The following SLC39A11 variants were observed in gnomAD, a reference collection of about 807,000 sequenced individuals.
SLC39A11 encodes the protein solute carrier family 39 member 11.
Under a neutral mutation model 36.1 loss-of-function variants are expected in SLC39A11, and 33 were observed. The ratio of observed to expected loss-of-function variants is 0.91; its 90% CI spans 0.69 to 1.22. The LOEUF (loss-of-function observed/expected upper bound fraction) is 1.22, where lower values mean the gene tolerates loss of function less well. SLC39A11 is among the 50% of genes most tolerant of loss of function. The pLI, the probability that SLC39A11 is intolerant of heterozygous loss-of-function variation, is 0.00. For synonymous variants in SLC39A11, 166 were observed against 170.3 expected, an observed-to-expected ratio of 0.97 and a Z score of 0.20; for missense variants, 432 against 430.3, an observed-to-expected ratio of 1.00 and a Z score of -0.03.
chr17:72,677,518 G>A (rs1348626451), intron 7 of SLC39A11, among the ~76,000 whole-genome samples: 3 of 152,200 alleles, frequency 2.0e-5, no homozygotes, highest in Non-Finnish European at 4.4e-5. Context: ...CCTGAACTGA[G>A]CAAATTTAAA....
intron 4 of SLC39A11, among the ~76,000 whole-genome samples, chr17:73,027,779 A>G (rs945717738): frequency 7.2e-5 from 11 of 152,192 alleles, no homozygotes; most frequent in Non-Finnish European, 1.5e-5. Context: ...GCTCCCAGGC[A>G]TTGGGGCCTG....
intron 5 of SLC39A11, among the ~76,000 whole-genome samples, chr17:72,913,540 G>C (rs1301843643): frequency 6.6e-6 from 1 of 152,172 alleles, no homozygotes; most frequent in Non-Finnish European, 1.5e-5. Flanking sequence ...TGTTGAGAAG[G>C]AAAGGCCTAA....
At chr17:73,015,146 C>T (rs935292440) in intron 4 of SLC39A11, among the ~76,000 whole-genome samples, 18 of 152,160 alleles carry the variant, frequency 1.2e-4, no homozygotes, top group Admixed American at 1.1e-3. Context: ...TCTGAAACCT[C>T]GGTATTGCCC....
At chr17:72,961,872 G>C (rs1223384503) in intron 4 of SLC39A11, among the ~76,000 whole-genome samples, 2 of 152,054 alleles carry the variant, frequency 1.3e-5, no homozygotes, top group African/African-American at 4.8e-5. Context: ...ATGTACCCTA[G>C]AACTTAAAGT....
intron 5 of SLC39A11, among the ~76,000 whole-genome samples, chr17:72,912,694 C>T (rs558241450): frequency 1.4e-4 from 21 of 152,230 alleles, no homozygotes; most frequent in South Asian, 4.2e-4. Context: ...AACACCGGAC[C>T]AGAAGCATCG....
intron 7 of SLC39A11, among the ~76,000 whole-genome samples, chr17:72,656,927 T>C (rs2070154356): frequency 6.6e-6 from 1 of 151,624 alleles, no homozygotes; most frequent in South Asian, 2.1e-4. Context: ...GAGGACTGCT[T>C]GAGGCCAGGA....
At chr17:72,814,802 G>A (rs2077532663) in intron 6 of SLC39A11, among the ~76,000 whole-genome samples, 1 of 152,196 alleles carries the variant, frequency 6.6e-6, no homozygotes, top group Non-Finnish European at 1.5e-5. Context: ...ATATTTCCAT[G>A]AAGAGGCTCT....
chr17:72,702,184 C>G (rs920439627), intron 7 of SLC39A11, among the ~76,000 whole-genome samples: 1 of 152,234 alleles, frequency 6.6e-6, no homozygotes, highest in African/African-American at 2.4e-5. Context: ...AATCCACATG[C>G]TCTCATAAAC....
chr17:72,794,379 A>G (rs574624257), intron 6 of SLC39A11, among the ~76,000 whole-genome samples: 1 of 152,224 alleles, frequency 6.6e-6, no homozygotes, highest in South Asian at 2.1e-4. Flanking sequence ...CTGACTCCAC[A>G]ATCCTTCTGT....
At chr17:73,077,278 G>C (rs1435671469) in intron 3 of SLC39A11, among the ~76,000 whole-genome samples, 2 of 152,130 alleles carry the variant, frequency 1.3e-5, no homozygotes, top group East Asian at 3.9e-4. Context: ...GGACCCACCA[G>C]GAGTTTCTTT....
chr17:72,740,369 T>C (rs761932692), intron 6 of SLC39A11, among the ~76,000 whole-genome samples: 4 of 152,136 alleles, frequency 2.6e-5, no homozygotes, highest in Admixed American at 6.6e-5. Context: ...CCGGCCAGAA[T>C]TTCTTAATGT....
intron 4 of SLC39A11, among the ~76,000 whole-genome samples, chr17:73,026,301 A>G (rs1387307669): frequency 6.6e-6 from 1 of 151,654 alleles, no homozygotes; most frequent in Admixed American, 6.6e-5. Context: ...AGGTGAGTAG[A>G]TTACCTGAGG....
At chr17:72,955,468 A>AC (rs2086189274) in intron 4 of SLC39A11, among the ~76,000 whole-genome samples, 1 of 63,836 alleles carries the variant, frequency 1.6e-5, no homozygotes, top group African/African-American at 4.8e-5. Flanking sequence ...ACGTCTGGCT[A>AC]ATTTTTTTTT....
At chr17:72,936,331 T>C (rs1307741822) in intron 5 of SLC39A11, among the ~76,000 whole-genome samples, 1 of 139,792 alleles carries the variant, frequency 7.2e-6, no homozygotes, top group African/African-American at 2.6e-5. Flanking sequence ...ACTAATGAAC[T>C]AATGAATCCT....
At chr17:72,794,009 C>T (rs886822439) in intron 6 of SLC39A11, among the ~76,000 whole-genome samples, 2 of 152,146 alleles carry the variant, frequency 1.3e-5, no homozygotes, top group African/African-American at 4.8e-5. Context: ...CATAGTCCTG[C>T]CTCTAACTGT....
At chr17:72,683,416 G>T (rs1598334404) in intron 7 of SLC39A11, among the ~76,000 whole-genome samples, 1 of 150,054 alleles carries the variant, frequency 6.7e-6, no homozygotes, top group South Asian at 2.1e-4. Context: ...GCTCACTGCA[G>T]CCTCAACCTC....
intron 6 of SLC39A11, among the ~76,000 whole-genome samples, chr17:72,750,200 A>C (rs777819957): frequency 1.3e-5 from 2 of 152,154 alleles, no homozygotes; most frequent in Non-Finnish European, 2.9e-5. Context: ...CAGGAAGTGG[A>C]TGGCCACTGA....
At chr17:72,963,170 T>TA (rs1568030807) in intron 4 of SLC39A11, among the ~76,000 whole-genome samples, 1 of 3,538 alleles carries the variant, frequency 2.8e-4, no homozygotes, top group East Asian at 0.014. Flanking sequence ...TTTTCCTTTC[T>TA]TTTTTTTTTT....
chr17:73,078,203 A>G (rs929102429), intron 3 of SLC39A11, among the ~76,000 whole-genome samples: 44 of 150,748 alleles, frequency 2.9e-4, no homozygotes, highest in Non-Finnish European at 5.2e-4. Context: ...ACACCTTTGC[A>G]GTCCAGCCTA....
Sources: allele counts gnomAD v4.1 joint callset (sites outside exome capture counted in the v4.1 genomes callset), GRCh38; gene constraint gnomAD v4.1.1; transcripts MANE v1.5; gene names NCBI Gene and HGNC (gene_info 2026-07-23, HGNC 2026-07-21).